KCNH5: variants seen among roughly 807,000 people sequenced by gnomAD.
The protein encoded by KCNH5 is potassium voltage-gated channel subfamily H member 5.
KCNH5 carries 46 observed loss-of-function variants against 96.1 expected under a neutral mutation model. That is an observed-to-expected ratio of 0.48 (90% CI 0.38 to 0.61). The LOEUF is 0.61. Ranked by LOEUF, KCNH5 falls within the 20% of genes least tolerant of loss-of-function variation. KCNH5 has a pLI of 0.00. For missense variants in KCNH5, 907 were observed against 1,225.8 expected, an observed-to-expected ratio of 0.74 and a Z score of 3.88; for synonymous variants, 439 against 449.8, an observed-to-expected ratio of 0.98 and a Z score of 0.30.
chr14:63,005,381 G>C (rs951910158), intron 3 of KCNH5, among the ~76,000 whole-genome samples: 1 of 152,174 alleles, frequency 6.6e-6, no homozygotes, highest in African/African-American at 2.4e-5. Context: ...GATAAAAAAT[G>C]TTTCAAGTAA....
intron 7 of KCNH5, among the ~76,000 whole-genome samples, chr14:62,921,708 C>G (rs537386758): frequency 1.3e-5 from 2 of 152,250 alleles, no homozygotes; most frequent in South Asian, 4.1e-4. Flanking sequence ...AACCATTTCA[C>G]TGGCTGTTCT....
At chr14:62,930,069 T>C (rs1453416369) in intron 7 of KCNH5, among the ~76,000 whole-genome samples, 4 of 152,154 alleles carry the variant, frequency 2.6e-5, no homozygotes, top group Admixed American at 6.6e-5. Context: ...GTCTTTGTTA[T>C]TGTAAATAGC....
intron 8 of KCNH5, among the ~76,000 whole-genome samples, chr14:62,808,986 A>T (rs1443674232): frequency 6.6e-6 from 1 of 152,130 alleles, no homozygotes; most frequent in Non-Finnish European, 1.5e-5. Context: ...AACTCTCATG[A>T]AGAGCTGGAA....
chr14:62,876,707 C>T (rs1008234391), intron 7 of KCNH5, among the ~76,000 whole-genome samples: 4 of 152,124 alleles, frequency 2.6e-5, no homozygotes, highest in Non-Finnish European at 5.9e-5. Flanking sequence ...ATCAAGACAA[C>T]AGGGTATTGC....
In KCNH5 at chr14:62,981,245, T is replaced by TC. The variant is rs773847489; in HGVS notation, c.568dup (p.Asp190GlyfsTer7). 5 of 1,613,970 alleles carry TC rather than the reference T, an allele frequency of 3.1e-6. No homozygotes were observed. Among genetic ancestry groups the TC allele is most frequent in the Non-Finnish European group, 4.2e-6 (5 of 1,179,982 alleles). On this transcript the variant is annotated frameshift_variant, in exon 6 of 11. Coordinates refer to ENST00000322893, the MANE Select transcript of KCNH5 (RefSeq NM_139318.5). LOFTEE classifies it high-confidence loss of function. ...TTCTTGTTTATACTGAGGAAGGATA[T>TC]CTGATCCCAGCTGAAGAACCTAAAA...
intron 6 of KCNH5, among the ~76,000 whole-genome samples, chr14:62,978,847 T>C (rs1220994273): frequency 6.6e-6 from 1 of 152,218 alleles, no homozygotes; most frequent in Non-Finnish European, 1.5e-5. Flanking sequence ...AAAGTATGTA[T>C]GCATTGTGGA....
chr14:62,743,014 G>A (rs1316828496), intron 10 of KCNH5, among the ~76,000 whole-genome samples: 2 of 152,062 alleles, frequency 1.3e-5, no homozygotes, highest in Non-Finnish European at 1.5e-5. Flanking sequence ...ACCAGTTTTG[G>A]TCCCTCTCTA....
chr14:62,826,408 ATGTGTGTG>A (rs71451280), intron 8 of KCNH5, among the ~76,000 whole-genome samples: 4,577 of 142,070 alleles, frequency 0.032, 256 homozygotes, highest in African/African-American at 0.11. Flanking sequence ...GCGTGCGTGC[ATGTGTGTG>A]TGTGTGTGTG....
intron 2 of KCNH5, among the ~76,000 whole-genome samples, chr14:63,008,542 T>C (rs1891168949): frequency 6.6e-6 from 1 of 151,804 alleles, no homozygotes; most frequent in South Asian, 2.1e-4. Flanking sequence ...TGAAAGTGGG[T>C]AAGGCAGATC....
At position 63,044,295 on chromosome 14, in the gene KCNH5, CCCAT is replaced by C. The variant is rs569102516; in HGVS notation, c.73+815_73+818del. 1.5e-3 allele frequency among the ~76,000 whole-genome samples: 229 copies of C among 152,256 alleles called. 1 individual carries two copies. The highest frequency in any genetic ancestry group is 5.4e-3 in the African/African-American group (223 of 41,540). ...TAAAATGTGGAAATATATAACCATT[CCCAT>C]CCAAAATATCTTGTAGGAAATGAAT... On this transcript the variant is annotated intron_variant, in intron 1 of 10. Transcript: ENST00000322893.
At chr14:62,948,786 C>A (rs1770651728) in intron 7 of KCNH5, among the ~76,000 whole-genome samples, 1 of 147,170 alleles carries the variant, frequency 6.8e-6, no homozygotes, top group South Asian at 2.2e-4. Flanking sequence ...CCGAATCCAG[C>A]AGCACATCAA....
chr14:62,947,564 T>G (rs373198527), intron 7 of KCNH5, among the ~76,000 whole-genome samples: 6 of 152,098 alleles, frequency 3.9e-5, no homozygotes, highest in South Asian at 2.1e-4. Context: ...TTCAATAGCT[T>G]TCAGACATTC....
chr14:62,747,562 T>C (rs1219341388), intron 10 of KCNH5, among the ~76,000 whole-genome samples: 1 of 152,182 alleles, frequency 6.6e-6, no homozygotes, highest in East Asian at 1.9e-4. Context: ...ATGATAGATA[T>C]AATTCAGGAT....
chr14:62,864,845 T>G (rs1888102717), intron 7 of KCNH5, among the ~76,000 whole-genome samples: 2 of 152,132 alleles, frequency 1.3e-5, no homozygotes, highest in South Asian at 4.1e-4. Flanking sequence ...TCTATGAATA[T>G]TTTGCAGATC....
intron 10 of KCNH5, among the ~76,000 whole-genome samples, chr14:62,716,417 A>G (rs566424655): frequency 1.3e-3 from 195 of 152,290 alleles, no homozygotes; most frequent in Non-Finnish European, 1.0e-3. Context: ...GAAGTCAGCA[A>G]TCCAGCAGTG....
intron 1 of KCNH5, among the ~76,000 whole-genome samples, chr14:63,020,368 G>A (rs76004523): frequency 0.017 from 2,618 of 152,144 alleles, 88 homozygotes; most frequent in African/African-American, 0.06. Context: ...GTTCACATCA[G>A]ATTTATTCAC....
intron 9 of KCNH5, among the ~76,000 whole-genome samples, chr14:62,800,316 C>T (rs190266238): frequency 3.3e-5 from 5 of 152,180 alleles, no homozygotes; most frequent in Admixed American, 3.3e-4. Context: ...GGGTGCAATA[C>T]CCAGGGGTCC....
In KCNH5 at chr14:63,001,328, T is replaced by C; in HGVS notation, c.433+3A>G. 6.3e-7 allele frequency: 1 copy of C among 1,592,540 alleles called. No homozygotes were observed. Among genetic ancestry groups the C allele is most frequent in the African/African-American group, 1.4e-5 (1 of 73,908 alleles). On this transcript the variant is annotated splice_donor_region_variant and intron_variant, in intron 4 of 10. Coordinates refer to ENST00000322893, the MANE Select transcript of KCNH5 (RefSeq NM_139318.5). ...TCAGTGTAGTAATTCTTTTGAAAATTACCTTTTGTTGAATCATCCTCTATT... is the reference window on the plus strand; with the variant it reads ...TCAGTGTAGTAATTCTTTTGAAAATCACCTTTTGTTGAATCATCCTCTATT...
intron 7 of KCNH5, among the ~76,000 whole-genome samples, chr14:62,866,561 T>C (rs958853896): frequency 1.3e-5 from 2 of 152,134 alleles, no homozygotes; most frequent in Non-Finnish European, 2.9e-5. Flanking sequence ...AAGCATGTGA[T>C]GAAAAAGATC....
Sources: allele counts gnomAD v4.1 joint callset (sites outside exome capture counted in the v4.1 genomes callset), GRCh38; gene constraint gnomAD v4.1.1; transcripts MANE v1.5; gene names NCBI Gene and HGNC (gene_info 2026-07-23, HGNC 2026-07-21).